ADAM18: variants seen among roughly 807,000 people sequenced by gnomAD.
ADAM18 encodes the protein ADAM metallopeptidase domain 18.
Under a neutral mutation model 94.4 loss-of-function variants are expected in ADAM18, and 117 were observed. The ratio of observed to expected loss-of-function variants is 1.24; its 90% CI spans 1.07 to 1.45. The LOEUF is 1.45. Among genes scored for constraint, ADAM18 ranks in the 40% most tolerant of loss-of-function variants. The probability of loss-of-function intolerance (pLI) is 0.00; values close to 1 mark genes in which losing one functional copy is unlikely to be tolerated. For synonymous variants in ADAM18, 327 were observed against 291.6 expected (o/e 1.12, Z -1.24); for missense variants, 936 against 880.0 (o/e 1.06, Z -0.81).
chr8:39,600,139 T>C (rs752789144), intron 2 of ADAM18, among the ~76,000 whole-genome samples: 5 of 152,146 alleles, frequency 3.3e-5, no homozygotes, highest in Non-Finnish European at 5.9e-5. Context: ...ACATATAAAT[T>C]TGTAAATTTT....
At chr8:39,633,117 G>A (rs779266589) in intron 7 of ADAM18, among the ~76,000 whole-genome samples, 28 of 152,162 alleles carry the variant, frequency 1.8e-4, no homozygotes, top group Non-Finnish European at 3.8e-4. Flanking sequence ...TGTTTGTGGA[G>A]CCTTGATGTG....
intron 2 of ADAM18, among the ~76,000 whole-genome samples, chr8:39,602,283 G>A (rs1031871417): frequency 8.6e-5 from 13 of 152,036 alleles, no homozygotes; most frequent in Admixed American, 2.0e-4. Context: ...TGTAATGGTT[G>A]CATCATTTTA....
chr8:39,601,079 G>T (rs767447685), intron 2 of ADAM18, among the ~76,000 whole-genome samples: 7 of 152,174 alleles, frequency 4.6e-5, no homozygotes, highest in Non-Finnish European at 5.9e-5. Flanking sequence ...GCAGGAGGAA[G>T]AGAGAGGAGG....
At position 39,609,480 on chromosome 8, in the gene ADAM18, T is replaced by C; in HGVS notation, c.268-5T>C. On this transcript the variant is annotated splice_polypyrimidine_tract_variant and splice_region_variant and intron_variant, in intron 4 of 19. Coordinates refer to ENST00000265707, the MANE Select transcript of ADAM18 (RefSeq NM_014237.3). ...ATATACTTGCCTTTCTATACTGTTT[T>C]TCAGATGCATTGCCATTACCAAGGA... is the stretch of plus-strand genomic sequence containing the variant. 6.2e-7 allele frequency: 1 copy of C among 1,608,186 alleles called. No homozygotes were observed. Among genetic ancestry groups the C allele is most frequent in the Admixed American group, 1.7e-5 (1 of 59,930 alleles).
chr8:39,621,033 A>G (rs1160168124), intron 6 of ADAM18, among the ~76,000 whole-genome samples: 1 of 152,144 alleles, frequency 6.6e-6, no homozygotes, highest in Non-Finnish European at 1.5e-5. Flanking sequence ...GACCTGGAAA[A>G]TGTGATAATG....
At chr8:39,615,764 ATCTC>A in intron 6 of ADAM18, among the ~76,000 whole-genome samples, 1 of 152,288 alleles carries the variant, frequency 6.6e-6, no homozygotes, top group East Asian at 1.9e-4. Flanking sequence ...GAAGAGGTCA[ATCTC>A]TCTCTCTTCA....
intron 17 of ADAM18, among the ~76,000 whole-genome samples, chr8:39,706,535 G>A (rs904886362): frequency 1.3e-5 from 2 of 152,022 alleles, no homozygotes; most frequent in Non-Finnish European, 1.5e-5. Flanking sequence ...TTTTAAAGAC[G>A]ATTGAAGAAG....
chr8:39,692,527 A>AT (rs1404061004), intron 16 of ADAM18, 73 bp from the exon 17 acceptor site: 2 of 853,670 alleles, frequency 2.3e-6, no homozygotes, highest in East Asian at 2.8e-5. Flanking sequence ...ATACATATAT[A>AT]GAAATCATTA....
At position 39,645,494 on chromosome 8, in the gene ADAM18, A is replaced by C; in HGVS notation, c.1046+20A>C. The C allele has an allele frequency of 1.9e-6, 3 of 1,585,454 alleles. No individual in the cohort carries two copies. The highest frequency in any genetic ancestry group is 8.5e-7 in the Non-Finnish European group (1 of 1,170,084). ...AGCAGTGTAAGATGTTTTCTTAATT[A>C]ATTTCATTTATATTTTTATAAGGTT... On this transcript the variant is annotated intron_variant, in intron 11 of 19. Coordinates refer to ENST00000265707, the MANE Select transcript of ADAM18 (RefSeq NM_014237.3).
At chr8:39,591,685 T>G (rs372721677) in intron 2 of ADAM18, among the ~76,000 whole-genome samples, 1 of 152,340 alleles carries the variant, frequency 6.6e-6, no homozygotes, top group East Asian at 1.9e-4. Flanking sequence ...TAACTTTTTC[T>G]GAATTCCTGT....
At chr8:39,648,808 A>G (rs1255476576) in intron 12 of ADAM18, among the ~76,000 whole-genome samples, 1 of 152,072 alleles carries the variant, frequency 6.6e-6, no homozygotes, top group Non-Finnish European at 1.5e-5. Context: ...TTTATTATAC[A>G]CATCTCAGTT....
chr8:39,589,493 T>C (rs1818506129), intron 2 of ADAM18, among the ~76,000 whole-genome samples: 1 of 152,086 alleles, frequency 6.6e-6, no homozygotes, highest in Non-Finnish European at 1.5e-5. Flanking sequence ...TGTAAGTACA[T>C]ATTGTGTATA....
intron 12 of ADAM18, among the ~76,000 whole-genome samples, chr8:39,650,245 G>T (rs1197145648): frequency 6.6e-6 from 1 of 152,092 alleles, no homozygotes; most frequent in African/African-American, 2.4e-5. Flanking sequence ...AAAACCAATT[G>T]TAGGCTTTTT....
chr8:39,627,657 T>G (rs573180515), intron 6 of ADAM18, among the ~76,000 whole-genome samples: 4 of 152,118 alleles, frequency 2.6e-5, no homozygotes, highest in Non-Finnish European at 5.9e-5. Flanking sequence ...TTGTGATTTT[T>G]TTTTATCCAT....
At chr8:39,668,699 G>GTGCATATA (rs1182599031) in intron 14 of ADAM18, among the ~76,000 whole-genome samples, 1 of 151,888 alleles carries the variant, frequency 6.6e-6, no homozygotes, top group Non-Finnish European at 1.5e-5. Flanking sequence ...AATAAGACTT[G>GTGCATATA]TGCATATATT....
At position 39,692,524 on chromosome 8, in the gene ADAM18, T is replaced by C. The variant is rs1048289061; in HGVS notation, c.1822-76T>C. The C allele has an allele frequency of 6.2e-6, 5 of 807,636 alleles. No individual in the cohort carries two copies. The African/African-American group carries it at 8.9e-5, about 14-fold the overall frequency. The allele number at this position is 807,636 out of a possible 1,614,324, so 50.0% of individuals were successfully genotyped here. On this transcript the variant is annotated intron_variant, in intron 16 of 19. Coordinates refer to ENST00000265707, the MANE Select transcript of ADAM18 (RefSeq NM_014237.3). ...TCAACTTAAGCATCTCTTATACATATATAGAAATCATTAATGTTTTTTCTT... is the reference window on the plus strand; with the variant it reads ...TCAACTTAAGCATCTCTTATACATACATAGAAATCATTAATGTTTTTTCTT...
intron 17 of ADAM18, among the ~76,000 whole-genome samples, chr8:39,700,883 G>A (rs1393574571): frequency 2.6e-5 from 4 of 151,580 alleles, no homozygotes; most frequent in African/African-American, 9.7e-5. Flanking sequence ...GGGAGGCCGA[G>A]GCGGGCGGAT....
intron 11 of ADAM18, 118 bp downstream of exon 11, chr8:39,645,592 GC>G: frequency 1.0e-6 from 1 of 984,328 alleles, no homozygotes. Context: ...GTTACATCAT[GC>G]TTGTAAAGTT....
At chr8:39,672,222 C>T (rs1387697125) in intron 14 of ADAM18, among the ~76,000 whole-genome samples, 2 of 152,046 alleles carry the variant, frequency 1.3e-5, no homozygotes, top group Admixed American at 6.6e-5. Flanking sequence ...ACAGGAAAGC[C>T]CAAGGCCATA....
Sources: allele counts gnomAD v4.1 joint callset (sites outside exome capture counted in the v4.1 genomes callset), GRCh38; gene constraint gnomAD v4.1.1; transcripts MANE v1.5; gene names NCBI Gene and HGNC (gene_info 2026-07-23, HGNC 2026-07-21).